The following ITGAD variants were observed in gnomAD, a reference collection of about 807,000 sequenced individuals.
The protein encoded by ITGAD is integrin alpha-D.
In ITGAD, 105 loss-of-function variants were observed where a neutral mutation model predicts 139.0. The ratio of observed to expected loss-of-function variants is 0.76; its 90% CI spans 0.65 to 0.89. The LOEUF (loss-of-function observed/expected upper bound fraction) is 0.89, where lower values mean the gene tolerates loss of function less well. Ranked by LOEUF, ITGAD falls within the 40% of genes least tolerant of loss-of-function variation. ITGAD has a pLI of 0.00. For synonymous variants in ITGAD, 569 were observed against 598.3 expected, an observed-to-expected ratio of 0.95 and a Z score of 0.71; for missense variants, 1,384 against 1,487.3, an observed-to-expected ratio of 0.93 and a Z score of 1.14.
chr16:31,402,353 C>A, intron 6 of ITGAD, 108 bp downstream of exon 6: 3 of 1,014,172 alleles, frequency 3.0e-6, no homozygotes, highest in Non-Finnish European at 4.4e-6. Context: ...TGTGATGGGG[C>A]TGGGGTGGAG....
At chr16:31,409,509 T>C (rs2081626481) in intron 10 of ITGAD, among the ~76,000 whole-genome samples, 1 of 152,022 alleles carries the variant, frequency 6.6e-6, no homozygotes, top group African/African-American at 2.4e-5. Flanking sequence ...TTCTAAATTA[T>C]CCATATCAAA....
rs1397114889 is a variant in ITGAD at position 31,401,477 on chromosome 16, C to T, written c.428-638C>T. ...GTAGCTGGAAATAAGGACCTCTGAC[C>T]GACTGGGGGTAGGGTGGGGTCTGGG... On this transcript the variant is annotated intron_variant, in intron 5 of 29. Transcript: ENST00000389202. Among the ~76,000 whole-genome samples, 5 of 152,250 alleles carry T rather than the reference C, an allele frequency of 3.3e-5. No individual in the cohort carries two copies. In the South Asian group the frequency reaches 6.2e-4, roughly 19 times the overall value.
chr16:31,414,342 A>C (rs531514614), intron 16 of ITGAD, 109 bp from the exon 17 acceptor site: 1 of 1,185,052 alleles, frequency 8.4e-7, no homozygotes, highest in Admixed American at 2.0e-5. Context: ...GGTACAGTTC[A>C]TGGCCCATAG....
Position 31,412,324 on chromosome 16 carries a change from G to A in ITGAD, c.1708-514G>A, listed in dbSNP as rs572360441. 9.2e-5 allele frequency among the ~76,000 whole-genome samples: 14 copies of A among 152,266 alleles called. 1 individual carries two copies. The highest frequency in any genetic ancestry group is 3.1e-4 in the African/African-American group (13 of 41,546). On this transcript the variant is annotated intron_variant, in intron 14 of 29. Transcript: ENST00000389202. ...CTCCCAAAGTGCTCGGATTACAAGC[G>A]TGAGCCACTCCGCCTGGCTGTATTT...
chr16:31,409,938 A>T (rs1311575170), intron 10 of ITGAD, among the ~76,000 whole-genome samples: 1 of 143,982 alleles, frequency 6.9e-6, no homozygotes, highest in African/African-American at 2.6e-5. Flanking sequence ...AAAAGAAAGG[A>T]TGAAGTTGAC....
At chr16:31,410,278 C>T (rs1017373994) in intron 10 of ITGAD, 117 bp from the exon 11 acceptor site, 22 of 1,431,252 alleles carry the variant, frequency 1.5e-5, no homozygotes, top group South Asian at 5.1e-5. Context: ...TGGTGCGGGC[C>T]GGGAAGACAG....
Position 31,394,373 on chromosome 16 carries a change from C to T in ITGAD, c.137+32C>T, listed in dbSNP as rs768731095. 1.8e-5 allele frequency: 27 copies of T among 1,520,546 alleles called. No individual in the cohort carries two copies. The Admixed American group carries it at 1.8e-4, about 10-fold the overall frequency. 94.2% of individuals were successfully genotyped at this position (1,520,546 alleles called of 1,614,324 possible). The stretch of plus-strand genomic sequence containing the variant: ...CCCACTCACCCTCCTTCCCCAACCT[C>T]CACTACATCAAGTCCTGTGGATGGG... On this transcript the variant is annotated intron_variant, in intron 2 of 29. Transcript: ENST00000389202.
At position 31,394,359 on chromosome 16, in the gene ITGAD, T is replaced by A; in HGVS notation, c.137+18T>A. Reference sequence around the variant, plus strand: ...GGATCTCGGTAGGCCCCACTCACCCTCCTTCCCCAACCTCCACTACATCAA... The same window carrying A: ...GGATCTCGGTAGGCCCCACTCACCCACCTTCCCCAACCTCCACTACATCAA... On this transcript the variant is annotated intron_variant, in intron 2 of 29. Coordinates refer to ENST00000389202, the MANE Select transcript of ITGAD (RefSeq NM_005353.3). 1 of 1,583,556 alleles carries A rather than the reference T, an allele frequency of 6.3e-7. No homozygotes were observed. Among genetic ancestry groups the A allele is most frequent in the Non-Finnish European group, 8.7e-7 (1 of 1,153,096 alleles).
At chr16:31,414,762 G>C (rs553313417) in intron 17 of ITGAD, 98 bp from the exon 18 acceptor site, 1 of 1,557,196 alleles carries the variant, frequency 6.4e-7, no homozygotes, top group Non-Finnish European at 8.8e-7. Flanking sequence ...GGCTTGGAGG[G>C]AGCACTGTCA....
At chr16:31,417,989 C>T (rs1413246496) in intron 20 of ITGAD, 86 bp from the exon 21 acceptor site, 1 of 1,006,724 alleles carries the variant, frequency 9.9e-7, no homozygotes, top group East Asian at 2.4e-5. Context: ...GTCATTTTCC[C>T]TAGTGCTCTG....
intron 6 of ITGAD, 170 bp downstream of exon 6, chr16:31,402,415 C>T (rs1597116705): frequency 2.1e-6 from 1 of 480,632 alleles, no homozygotes; most frequent in Non-Finnish European, 3.7e-6. Context: ...ACCTAGGAGG[C>T]CCTCTTGGCA....
rs753894159 is a variant in ITGAD, at chr16:31,413,180, A to G, written c.1930A>G (p.Ser644Gly). Residue 644 changes from serine to glycine, a missense_variant, in exon 16 of 30, where the codon AGT (serine) becomes GGT (glycine). Transcript: ENST00000389202. ...GTACCGGTGCTGGGAAGAGAAGCCC[A>G]GTGCCCTGGAAGCTGGGGACGCCAC... ...AVYRCWEEKP[S>G]ALEAGDATVC... 57 of 1,614,068 alleles carry G rather than the reference A, an allele frequency of 3.5e-5. 1 individual carries two copies. The East Asian group carries it at 1.0e-3, about 30-fold the overall frequency.
chr16:31,419,525 C>G (rs990726991), intron 23 of ITGAD, among the ~76,000 whole-genome samples: 2 of 152,124 alleles, frequency 1.3e-5, no homozygotes, highest in African/African-American at 4.8e-5. Context: ...ATGAAATTGC[C>G]TAAGGCCGGG....
chr16:31,425,125 G>A (rs914608594), intron 29 of ITGAD, among the ~76,000 whole-genome samples: 4 of 152,040 alleles, frequency 2.6e-5, no homozygotes, highest in Non-Finnish European at 4.4e-5. Context: ...AGGCTGGGGT[G>A]CAGTGGCACA....
At chr16:31,414,350 TA>T in intron 16 of ITGAD, 100 bp from the exon 17 acceptor site, 3 of 1,289,552 alleles carry the variant, frequency 2.3e-6, no homozygotes, top group Non-Finnish European at 3.3e-6. Flanking sequence ...TCATGGCCCA[TA>T]GCAGTGTCCA....
chr16:31,411,270 C>T (rs1366120993), intron 13 of ITGAD, 38 bp from the exon 14 acceptor site: 2 of 1,607,666 alleles, frequency 1.2e-6, no homozygotes, highest in Non-Finnish European at 1.7e-6. Context: ...GTGGAGGCGT[C>T]ACCTGGATTG....
At position 31,412,845 on chromosome 16, in the gene ITGAD, C is replaced by T; in HGVS notation, c.1715C>T (p.Ala572Val). The T allele has an allele frequency of 1.9e-6, 3 of 1,613,994 alleles. No homozygotes were observed. Among genetic ancestry groups the T allele is most frequent in the Non-Finnish European group, 2.5e-6 (3 of 1,180,014 alleles). ...GISPSHSQRI[A>V]SSQLSPRLQY... The stretch of plus-strand genomic sequence containing the variant: ...CTTTTCTCTTCTGGCCAGCGGATTG[C>T]CAGCTCCCAGCTCTCCCCCAGGCTG... The change falls in exon 15 of 30, where the codon GCC (alanine) becomes GTC (valine). Residue 572 changes from alanine (A) to valine (V), a missense_variant. Coordinates refer to ENST00000389202, the MANE Select transcript of ITGAD (RefSeq NM_005353.3).
rs770748423 is a variant in ITGAD at position 31,397,413 on chromosome 16, G to A, written c.192G>A (p.Leu64=). Residue 64 remains leucine, a synonymous_variant, in exon 3 of 30, where the codon CTG becomes CTA. Coordinates refer to ENST00000389202, the MANE Select transcript of ITGAD (RefSeq NM_005353.3). ...TGGCGGCCAACCAGACGGGACGGCT[G>A]TATGACTGCGCAGCTGCCACCGGCA... ...EVVAANQTGR[L]YDCAAATGMC... 3 of 1,604,102 alleles carry A rather than the reference G, an allele frequency of 1.9e-6. No individual in the cohort carries two copies. Among genetic ancestry groups the A allele is most frequent in the African/African-American group, 2.7e-5 (2 of 74,890 alleles).
chr16:31,399,600 G>A (rs549698892), intron 5 of ITGAD, among the ~76,000 whole-genome samples: 7 of 152,296 alleles, frequency 4.6e-5, no homozygotes, highest in Admixed American at 2.0e-4. Context: ...TGGGGGGACC[G>A]TGCCCAGCCT....
Sources: gnomAD v4.1 joint callset for allele counts (sites outside exome capture counted in the v4.1 genomes callset) on GRCh38, gnomAD v4.1.1 for gene constraint, MANE v1.5 for transcripts, NCBI Gene and HGNC (gene_info 2026-07-23, HGNC 2026-07-21) for gene names.